Variants in SLC35F4 observed in about 807,000 individuals in gnomAD.
SLC35F4 encodes the protein solute carrier family 35 member F4, also known as chromosome 14 open reading frame 36.
In SLC35F4, 24 loss-of-function variants were observed where a neutral mutation model predicts 44.2. The ratio of observed to expected loss-of-function variants is 0.54; its 90% confidence interval spans 0.39 to 0.76. The LOEUF (loss-of-function observed/expected upper bound fraction) is 0.76. SLC35F4 is among the 30% of genes least tolerant of loss of function. The pLI is 0.00. For missense variants in SLC35F4, 562 were observed against 586.1 expected, an observed-to-expected ratio of 0.96 and a Z score of 0.42; for synonymous variants, 238 against 223.6, an observed-to-expected ratio of 1.06 and a Z score of -0.57.
intron 1 of SLC35F4, among the ~76,000 whole-genome samples, chr14:57,829,968 A>G (rs553774595): frequency 2.1e-4 from 32 of 152,342 alleles, no homozygotes; most frequent in Non-Finnish European, 3.8e-4. Flanking sequence ...TTGCAGTTAA[A>G]TGCAAATTGG....
At chr14:57,888,558 G>T (rs992146743) in intron 1 of SLC35F4, among the ~76,000 whole-genome samples, 5 of 152,128 alleles carry the variant, frequency 3.3e-5, no homozygotes, top group Admixed American at 1.3e-4. Context: ...CATAATAAAT[G>T]CTCAATAACG....
chr14:57,569,762 G>A (rs1413492095), intron 6 of SLC35F4, 26 bp downstream of exon 6: 1 of 1,556,636 alleles, frequency 6.4e-7, no homozygotes. Context: ...TATAGGGAAT[G>A]GAAGGCAAAA....
chr14:57,677,508 T>C (rs2074736313), intron 1 of SLC35F4, among the ~76,000 whole-genome samples: 1 of 152,086 alleles, frequency 6.6e-6, no homozygotes, highest in Non-Finnish European at 1.5e-5. Context: ...GGTGTGTATA[T>C]AGGTATTCTA....
chr14:57,765,193 T>C (rs1000347122), intron 1 of SLC35F4, among the ~76,000 whole-genome samples: 3 of 152,246 alleles, frequency 2.0e-5, no homozygotes, highest in Admixed American at 2.0e-4. Context: ...AATGCATTAA[T>C]GCTGTGCTAT....
At chr14:57,963,360 T>A (rs1354666472) in intron 1 of SLC35F4, among the ~76,000 whole-genome samples, 1 of 152,178 alleles carries the variant, frequency 6.6e-6, no homozygotes, top group Non-Finnish European at 1.5e-5. Context: ...GATGCAGGCA[T>A]GAGCACCCTC....
At chr14:57,688,363 C>T (rs2075129172) in intron 1 of SLC35F4, among the ~76,000 whole-genome samples, 1 of 152,058 alleles carries the variant, frequency 6.6e-6, no homozygotes, top group Non-Finnish European at 1.5e-5. Context: ...CATATTAAGA[C>T]CTTGGAAAAA....
At chr14:57,810,335 T>C (rs1348100618) in intron 1 of SLC35F4, among the ~76,000 whole-genome samples, 1 of 152,248 alleles carries the variant, frequency 6.6e-6, no homozygotes, top group Non-Finnish European at 1.5e-5. Context: ...ACAGGTACTA[T>C]AATAAGATAG....
At chr14:57,744,316 T>C (rs1167724481) in intron 1 of SLC35F4, among the ~76,000 whole-genome samples, 4 of 152,146 alleles carry the variant, frequency 2.6e-5, no homozygotes, top group Non-Finnish European at 4.4e-5. Flanking sequence ...TGATTGTATA[T>C]CTAGAAAACC....
chr14:57,615,038 A>C (rs571313715), intron 1 of SLC35F4, among the ~76,000 whole-genome samples: 1 of 152,238 alleles, frequency 6.6e-6, no homozygotes, highest in Admixed American at 6.5e-5. Context: ...AATTCTATGA[A>C]AATTTCAGTC....
chr14:57,596,707 G>A (rs781545005), intron 1 of SLC35F4: 6 of 1,130,186 alleles, frequency 5.3e-6, no homozygotes, highest in Non-Finnish European at 7.5e-6. Context: ...GGTAACTTGT[G>A]TGTAGCGAGC....
chr14:57,865,583 C>T (rs1888089185), intron 1 of SLC35F4, 140 bp downstream of exon 1: 4 of 641,826 alleles, frequency 6.2e-6, no homozygotes, highest in Admixed American at 3.8e-5. Context: ...GGGGTCCCCG[C>T]CGCCAGGAAG....
intron 1 of SLC35F4, among the ~76,000 whole-genome samples, chr14:57,701,678 C>T (rs149460677): frequency 1.3e-5 from 2 of 152,184 alleles, no homozygotes; most frequent in South Asian, 2.1e-4. Context: ...ACCTAAATGT[C>T]GTTACGTGGC....
intron 1 of SLC35F4, among the ~76,000 whole-genome samples, chr14:57,690,422 A>G (rs2075197569): frequency 6.6e-6 from 1 of 152,134 alleles, no homozygotes; most frequent in Non-Finnish European, 1.5e-5. Flanking sequence ...AAGTGGAGAC[A>G]GCTTAGCAGA....
intron 1 of SLC35F4, among the ~76,000 whole-genome samples, chr14:57,608,620 G>C (rs1452668475): frequency 2.0e-5 from 3 of 152,156 alleles, no homozygotes; most frequent in Non-Finnish European, 1.5e-5. Flanking sequence ...CCATGTTTGT[G>C]GAACTTTGTT....
downstream of SLC35F4, among the ~76,000 whole-genome samples, chr14:57,975,264 A>G (rs548359004): frequency 2.0e-5 from 3 of 152,230 alleles, no homozygotes; most frequent in Non-Finnish European, 2.9e-5. Flanking sequence ...TGGCAAAGCC[A>G]TCAATTGATG....
chr14:57,596,988 A>G, intron 1 of SLC35F4: 1 of 805,736 alleles, frequency 1.2e-6, no homozygotes, highest in South Asian at 1.7e-5. Context: ...GCCATGATAC[A>G]ATTATCTCCA....
At chr14:57,865,639 GC>G in intron 1 of SLC35F4, 83 bp downstream of exon 1, 1 of 1,161,054 alleles carries the variant, frequency 8.6e-7, no homozygotes, top group Non-Finnish European at 1.2e-6. Flanking sequence ...CGTACCGCGC[GC>G]CCGCCCGTCC....
intron 1 of SLC35F4, among the ~76,000 whole-genome samples, chr14:57,962,820 T>C (rs1304098318): frequency 1.3e-5 from 2 of 152,200 alleles, no homozygotes; most frequent in African/African-American, 2.4e-5. Context: ...CTGCTGCAAC[T>C]TCTAGCAGCA....
chr14:57,942,355 T>G (rs1295380598), intron 1 of SLC35F4, among the ~76,000 whole-genome samples: 1 of 152,220 alleles, frequency 6.6e-6, no homozygotes, highest in Non-Finnish European at 1.5e-5. Flanking sequence ...AGGCCCTGAT[T>G]CTAGGCTGAA....
Sources: allele counts gnomAD v4.1 joint callset (sites outside exome capture counted in the v4.1 genomes callset), GRCh38; gene constraint gnomAD v4.1.1; transcripts MANE v1.5; gene names NCBI Gene and HGNC (gene_info 2026-07-23, HGNC 2026-07-21).